RORA: variants seen among roughly 807,000 people sequenced by gnomAD.
RORA encodes RAR related orphan receptor A, also known as nuclear receptor ROR-alpha.
In RORA, 7 loss-of-function variants were observed where a neutral mutation model predicts 69.5. The observed-to-expected ratio is 0.10, with a 90% confidence interval of 0.06 to 0.19. RORA has a LOEUF of 0.19. RORA is among the 10% of genes least tolerant of loss of function. The pLI, the probability that RORA is intolerant of heterozygous loss-of-function variation, is 1.00. For missense variants in RORA, 457 were observed against 663.0 expected (o/e 0.69, Z 3.41); for synonymous variants, 261 against 240.8 (o/e 1.08, Z -0.78).
chr15:60,815,033 C>A (rs2072790551), intron 1 of RORA, among the ~76,000 whole-genome samples: 1 of 151,960 alleles, frequency 6.6e-6, no homozygotes, highest in African/African-American at 2.4e-5. Flanking sequence ...ACATAAAAAC[C>A]CCCAGGTTTT....
At chr15:60,917,271 T>C (rs1280742042) in intron 1 of RORA, among the ~76,000 whole-genome samples, 7 of 152,242 alleles carry the variant, frequency 4.6e-5, no homozygotes. Context: ...CTGGTTAATA[T>C]AATTATTGCT....
chr15:60,678,265 A>G (rs2070584866), intron 2 of RORA: 1 of 160,258 alleles, frequency 6.2e-6, no homozygotes, highest in South Asian at 1.9e-4. Flanking sequence ...TAATTTGTGA[A>G]CTAGTGGTGA....
At chr15:60,864,807 C>T (rs2073469719) in intron 1 of RORA, among the ~76,000 whole-genome samples, 1 of 152,168 alleles carries the variant, frequency 6.6e-6, no homozygotes, top group South Asian at 2.1e-4. Context: ...CAGTGCCAGG[C>T]CTTTGTGCTA....
chr15:60,550,899 A>G (rs2067210347), intron 2 of RORA, among the ~76,000 whole-genome samples: 1 of 152,232 alleles, frequency 6.6e-6, no homozygotes. Context: ...AACATTTTGC[A>G]TAACTGCTGG....
In RORA at chr15:61,229,179, C is replaced by A; in HGVS notation, c.40G>T (p.Glu14Ter). 1 of 1,555,128 alleles carries A rather than the reference C, an allele frequency of 6.4e-7. No individual in the cohort carries two copies. The change falls in exon 1 of 11, where the codon GAG becomes TAG. Residue 14 changes from glutamate to a stop codon, truncating the protein, a stop_gained. Coordinates refer to ENST00000335670, the MANE Select transcript of RORA (RefSeq NM_134261.3). LOFTEE classifies it high-confidence loss of function. ...GCGTCCGCGCCGCTGCTGCCTGGCT[C>A]GCTGGCGGCGGGGTCGGGGGCTGCC... Reference protein sequence around the residue: ...APAAPDPAASEPGSSGADAAA... With the variant: ...APAAPDPAAS
At chr15:61,149,459 C>T (rs570119399) in intron 1 of RORA, among the ~76,000 whole-genome samples, 44 of 121,426 alleles carry the variant, frequency 3.6e-4, no homozygotes, top group African/African-American at 1.0e-3. Flanking sequence ...GTTACTTCAG[C>T]GGTTAAGAAG....
At chr15:61,148,964 G>T (rs1164658162) in intron 1 of RORA, among the ~76,000 whole-genome samples, 1 of 152,190 alleles carries the variant, frequency 6.6e-6, no homozygotes, top group South Asian at 2.1e-4. Context: ...CATGATGGGG[G>T]CTCCCTCTGC....
chr15:61,034,819 A>C (rs537581196), intron 1 of RORA, among the ~76,000 whole-genome samples: 586 of 147,428 alleles, frequency 4.0e-3, no homozygotes, highest in Non-Finnish European at 6.5e-3. Flanking sequence ...AAATCCACTC[A>C]AGGAAGTAGT....
intron 1 of RORA, among the ~76,000 whole-genome samples, chr15:60,829,412 G>C (rs542047878): frequency 6.6e-6 from 1 of 152,134 alleles, no homozygotes; most frequent in Non-Finnish European, 1.5e-5. Flanking sequence ...TCACGTCTTA[G>C]AGGTTTTAAC....
chr15:60,743,462 G>T (rs922242712), intron 1 of RORA, among the ~76,000 whole-genome samples: 1 of 152,180 alleles, frequency 6.6e-6, no homozygotes, highest in East Asian at 1.9e-4. Flanking sequence ...TTAGGCTTAA[G>T]TGGAAACCTT....
chr15:60,655,448 T>C (rs548193591), intron 2 of RORA, among the ~76,000 whole-genome samples: 2 of 152,212 alleles, frequency 1.3e-5, no homozygotes, highest in Non-Finnish European at 1.5e-5. Flanking sequence ...TAAGAATACC[T>C]GTTTAGTGTT....
At chr15:60,519,372 CAG>C (rs1224482635) in intron 3 of RORA, among the ~76,000 whole-genome samples, 2 of 152,142 alleles carry the variant, frequency 1.3e-5, no homozygotes, top group African/African-American at 4.8e-5. Flanking sequence ...GCTGAAAAAA[CAG>C]AGGCTTAGAG....
intron 1 of RORA, among the ~76,000 whole-genome samples, chr15:60,958,298 T>C (rs1451325944): frequency 6.6e-6 from 1 of 152,212 alleles, no homozygotes; most frequent in Non-Finnish European, 1.5e-5. Context: ...TTCCATTTCA[T>C]CTTGATAAGA....
intron 1 of RORA, among the ~76,000 whole-genome samples, chr15:60,736,492 A>C (rs1450951955): frequency 6.6e-6 from 1 of 152,168 alleles, no homozygotes; most frequent in African/African-American, 2.4e-5. Context: ...TTGTCCTCTC[A>C]GTTCATGAAC....
At position 60,762,478 on chromosome 15, in the gene RORA, A is replaced by G. The variant is rs554870844; in HGVS notation, c.167-83792T>C. 1.1e-4 allele frequency among the ~76,000 whole-genome samples: 17 copies of G among 152,330 alleles called. No individual in the cohort carries two copies. In the East Asian group the frequency reaches 3.3e-3, roughly 29 times the overall value. On this transcript the variant is annotated intron_variant, in intron 1 of 10. Transcript: ENST00000335670. ...CTATGGTGAAAGGTCACCAGAATTC[A>G]GAGAAAGGAGGACATATTACAGCCA... is the stretch of plus-strand genomic sequence containing the variant.
intron 1 of RORA, among the ~76,000 whole-genome samples, chr15:60,913,136 G>A (rs1280097562): frequency 2.0e-5 from 3 of 152,144 alleles, no homozygotes; most frequent in African/African-American, 7.2e-5. Context: ...GGGCAGCCAC[G>A]CTTTGGAGGA....
At chr15:60,708,165 C>T (rs978924385) in intron 1 of RORA, among the ~76,000 whole-genome samples, 2 of 152,102 alleles carry the variant, frequency 1.3e-5, no homozygotes, top group East Asian at 1.9e-4. Context: ...CTGTATTATT[C>T]GTGTTGATAG....
chr15:60,544,591 T>C (rs1472126798), intron 2 of RORA, among the ~76,000 whole-genome samples: 3 of 152,168 alleles, frequency 2.0e-5, no homozygotes, highest in Non-Finnish European at 2.9e-5. Context: ...GGCAACACCA[T>C]GCTAATACGC....
intron 1 of RORA, among the ~76,000 whole-genome samples, chr15:60,773,910 A>C (rs1697323725): frequency 6.6e-6 from 1 of 152,252 alleles, no homozygotes; most frequent in Non-Finnish European, 1.5e-5. Flanking sequence ...CATTTATGTA[A>C]TACATAAGAA....
Sources: allele counts gnomAD v4.1 joint callset (sites outside exome capture counted in the v4.1 genomes callset), GRCh38; gene constraint gnomAD v4.1.1; transcripts MANE v1.5; gene names NCBI Gene and HGNC (gene_info 2026-07-23, HGNC 2026-07-21).